The following PTPRG variants were observed in gnomAD, a reference collection of about 807,000 sequenced individuals.
PTPRG encodes the protein receptor-type tyrosine-protein phosphatase gamma.
A neutral mutation model predicts 165.3 loss-of-function variants in PTPRG; 102 were observed. The observed-to-expected ratio is 0.62, with a 90% CI of 0.53 to 0.73. PTPRG has a LOEUF of 0.73. Among genes scored for constraint, PTPRG ranks in the 30% least tolerant of loss-of-function variants. The probability of loss-of-function intolerance (pLI) is 0.00; values close to 1 mark genes in which losing one functional copy is unlikely to be tolerated. For synonymous variants in PTPRG, 675 were observed against 669.5 expected, an observed-to-expected ratio of 1.01 and a Z score of -0.13; for missense variants, 1,866 against 1,861.4, an observed-to-expected ratio of 1.00 and a Z score of -0.05.
chr3:61,817,435 CATT>C (rs2035820348), intron 2 of PTPRG, among the ~76,000 whole-genome samples: 1 of 151,648 alleles, frequency 6.6e-6, no homozygotes, highest in Admixed American at 6.6e-5. Context: ...GCTTTAGAAT[CATT>C]ATAGTTGAGT....
At chr3:62,031,091 A>G (rs111955562) in intron 4 of PTPRG, among the ~76,000 whole-genome samples, 9 of 152,370 alleles carry the variant, frequency 5.9e-5, no homozygotes, top group African/African-American at 1.7e-4. Flanking sequence ...TTTTTTAACA[A>G]AAGTATTGAA....
At chr3:62,101,995 CT>C (rs1018849878) in intron 5 of PTPRG, among the ~76,000 whole-genome samples, 1 of 152,000 alleles carries the variant, frequency 6.6e-6, no homozygotes, top group Non-Finnish European at 1.5e-5. Flanking sequence ...TGAGAATGGA[CT>C]TTTTTTTCCT....
chr3:62,058,330 TTTA>T (rs912533638), intron 4 of PTPRG, among the ~76,000 whole-genome samples: 2 of 151,902 alleles, frequency 1.3e-5, no homozygotes, highest in African/African-American at 2.4e-5. Flanking sequence ...TATGCACTTA[TTTA>T]TTATTATTAT....
chr3:61,916,549 A>G (rs1208016413), intron 2 of PTPRG, among the ~76,000 whole-genome samples: 3 of 152,222 alleles, frequency 2.0e-5, no homozygotes, highest in Non-Finnish European at 2.9e-5. Flanking sequence ...CTGTAACATG[A>G]GATCATGATA....
chr3:61,661,988 C>G (rs554878783), intron 1 of PTPRG, among the ~76,000 whole-genome samples: 3 of 152,086 alleles, frequency 2.0e-5, no homozygotes, highest in African/African-American at 7.2e-5. Flanking sequence ...GTGTAGCTAG[C>G]GTGTTGACTA....
chr3:61,645,888 T>G (rs915993980), intron 1 of PTPRG, among the ~76,000 whole-genome samples: 6 of 152,180 alleles, frequency 3.9e-5, no homozygotes, highest in Admixed American at 3.9e-4. Flanking sequence ...ACCCAAAACT[T>G]TCAGTAAATT....
intron 4 of PTPRG, among the ~76,000 whole-genome samples, chr3:62,021,377 A>G (rs774436984): frequency 6.6e-6 from 1 of 152,234 alleles, no homozygotes; most frequent in Middle Eastern, 3.2e-3. Context: ...AGAGATGTCT[A>G]ACATGCTATT....
At chr3:62,097,659 C>T (rs1462334501) in intron 5 of PTPRG, among the ~76,000 whole-genome samples, 2 of 152,180 alleles carry the variant, frequency 1.3e-5, no homozygotes, top group East Asian at 3.8e-4. Context: ...CCATCTGTAT[C>T]TAGCATACTT....
chr3:61,623,614 T>C (rs999992851), intron 1 of PTPRG, among the ~76,000 whole-genome samples: 3 of 152,176 alleles, frequency 2.0e-5, no homozygotes, highest in African/African-American at 7.2e-5. Context: ...ACTAGAGAAT[T>C]TGGTTCTTAA....
intron 2 of PTPRG, among the ~76,000 whole-genome samples, chr3:61,924,212 C>T (rs575987112): frequency 1.2e-4 from 18 of 152,300 alleles, no homozygotes; most frequent in Non-Finnish European, 1.0e-4. Context: ...GTGGCCTGTC[C>T]TTCTGTCTGC....
intron 4 of PTPRG, among the ~76,000 whole-genome samples, chr3:62,041,496 T>C (rs997205545): frequency 6.6e-6 from 1 of 152,224 alleles, no homozygotes; most frequent in African/African-American, 2.4e-5. Context: ...TCTCCTTTTT[T>C]GTAATGTGAG....
intron 12 of PTPRG, among the ~76,000 whole-genome samples, chr3:62,209,774 C>G (rs1700314746): frequency 6.6e-6 from 1 of 152,162 alleles, no homozygotes; most frequent in Admixed American, 6.5e-5. Flanking sequence ...CTTGGAGTTT[C>G]TATTGCCCAC....
At chr3:62,103,734 C>T (rs1465465407) in intron 5 of PTPRG, among the ~76,000 whole-genome samples, 1 of 152,214 alleles carries the variant, frequency 6.6e-6, no homozygotes, top group Non-Finnish European at 1.5e-5. Context: ...ATCAGAGAAT[C>T]TAGGCACACA....
chr3:61,778,871 G>T (rs2034461958), intron 2 of PTPRG, among the ~76,000 whole-genome samples: 1 of 152,052 alleles, frequency 6.6e-6, no homozygotes, highest in Admixed American at 6.6e-5. Context: ...CACATGGTTT[G>T]TTCTAGCATC....
At chr3:61,810,944 C>T (rs2035555622) in intron 2 of PTPRG, among the ~76,000 whole-genome samples, 2 of 152,168 alleles carry the variant, frequency 1.3e-5, no homozygotes, top group African/African-American at 4.8e-5. Flanking sequence ...AGGGTTCCCC[C>T]TTGCCTACCT....
rs779272681 is a variant in PTPRG, at chr3:62,293,283, T to C, written c.4314T>C (p.Ala1438=). ...AVLIADESDP[A]ESMESLV ...TTATTGCAGATGAATCAGACCCTGC[T>C]GAGAGCATGGAGTCCCTAGTGTGAC... The change falls in exon 30 of 30, where the codon GCT becomes GCC. Residue 1438 remains alanine, a synonymous_variant. Coordinates refer to ENST00000474889, the MANE Select transcript of PTPRG (RefSeq NM_002841.4). 1 of 1,603,588 alleles carries C rather than the reference T, an allele frequency of 6.2e-7. No individual in the cohort carries two copies. Among genetic ancestry groups the C allele is most frequent in the East Asian group, 2.2e-5 (1 of 44,648 alleles).
chr3:62,151,894 T>G (rs1704349946), intron 6 of PTPRG, among the ~76,000 whole-genome samples: 1 of 152,090 alleles, frequency 6.6e-6, no homozygotes. Flanking sequence ...CTCATTTGAG[T>G]CATACTCAGA....
chr3:62,191,207 G>A (rs893032487), intron 8 of PTPRG, among the ~76,000 whole-genome samples: 32 of 151,242 alleles, frequency 2.1e-4, no homozygotes, highest in African/African-American at 7.3e-4. Context: ...GTGCATTTGT[G>A]TCCCGTGCAC....
intron 5 of PTPRG, among the ~76,000 whole-genome samples, chr3:62,100,322 T>C (rs1427077157): frequency 3.3e-5 from 5 of 152,164 alleles, no homozygotes; most frequent in African/African-American, 1.2e-4. Context: ...TCTAGTCTTT[T>C]CTATATCTTA....
Sources: allele counts gnomAD v4.1 joint callset (sites outside exome capture counted in the v4.1 genomes callset), GRCh38; gene constraint gnomAD v4.1.1; transcripts MANE v1.5; gene names NCBI Gene and HGNC (gene_info 2026-07-23, HGNC 2026-07-21).